The following ZNF148 variants were observed in gnomAD, a reference collection of about 807,000 sequenced individuals.
ZNF148 encodes zinc finger protein 148.
ZNF148 carries 7 observed loss-of-function variants against 67.7 expected under a neutral mutation model. That is an observed-to-expected ratio of 0.10 (90% confidence interval 0.06 to 0.19). The LOEUF is 0.19. Among genes scored for constraint, ZNF148 ranks in the 10% least tolerant of loss-of-function variants. The pLI is 1.00. For missense variants in ZNF148, 583 were observed against 947.1 expected (o/e 0.62, Z 5.05); for synonymous variants, 333 against 330.7 (o/e 1.01, Z -0.08).
intron 7 of ZNF148, among the ~76,000 whole-genome samples, chr3:125,261,324 C>G (rs935767117): frequency 1.3e-5 from 2 of 152,140 alleles, no homozygotes; most frequent in African/African-American, 4.8e-5. Flanking sequence ...TTCCAGAAGT[C>G]ATTATGGGCC....
At chr3:125,374,857 C>T (rs942705239) in intron 1 of ZNF148, among the ~76,000 whole-genome samples, 1 of 152,000 alleles carries the variant, frequency 6.6e-6, no homozygotes, top group Non-Finnish European at 1.5e-5. Context: ...CTTCTCGCCT[C>T]CGCCACCCCC....
At chr3:125,272,819 G>A (rs780521536) in intron 7 of ZNF148, among the ~76,000 whole-genome samples, 1 of 152,076 alleles carries the variant, frequency 6.6e-6, no homozygotes, top group Non-Finnish European at 1.5e-5. Flanking sequence ...TAAAAGCTTT[G>A]TTAAAGCAGA....
chr3:125,327,967 A>AT (rs1012609646), intron 2 of ZNF148, among the ~76,000 whole-genome samples: 2 of 151,444 alleles, frequency 1.3e-5, no homozygotes, highest in East Asian at 1.9e-4. Flanking sequence ...ACAGTTTCAA[A>AT]TTTTTTTTTA....
intron 7 of ZNF148, among the ~76,000 whole-genome samples, chr3:125,255,897 A>G (rs1410203357): frequency 6.6e-6 from 1 of 151,534 alleles, no homozygotes; most frequent in Non-Finnish European, 1.5e-5. Flanking sequence ...TTTAGTTTTC[A>G]GCTGTTTCAA....
At chr3:125,370,114 AT>A (rs1254063283) in intron 1 of ZNF148, among the ~76,000 whole-genome samples, 2 of 152,114 alleles carry the variant, frequency 1.3e-5, no homozygotes, top group African/African-American at 4.8e-5. Context: ...AAAAAAAAAA[AT>A]CTAAATTAAA....
intron 3 of ZNF148, among the ~76,000 whole-genome samples, chr3:125,317,858 T>A (rs1368359344): frequency 1.3e-5 from 2 of 151,884 alleles, no homozygotes; most frequent in African/African-American, 2.4e-5. Flanking sequence ...TACGGCAAGC[T>A]AACAGGGTAT....
intron 8 of ZNF148, 72 bp downstream of exon 8, chr3:125,234,139 T>C (rs542404742): frequency 1.6e-6 from 2 of 1,245,246 alleles, no homozygotes; most frequent in Admixed American, 2.1e-5. Flanking sequence ...TAAGTTGTAA[T>C]ATTTTCTAAT....
Position 125,228,810 on chromosome 3 carries a change from C to T in ZNF148, c.*3531G>A, listed in dbSNP as rs1056520871. 2.0e-5 allele frequency: 3 copies of T among 152,432 alleles called. No homozygotes were observed. Among genetic ancestry groups the T allele is most frequent in the African/African-American group, 4.8e-5 (2 of 41,394 alleles). 9.4% of individuals were successfully genotyped at this position (152,432 alleles called of 1,614,324 possible). On this transcript the variant is annotated 3_prime_UTR_variant, in exon 9 of 9. Transcript: ENST00000360647. ...ATTAAAGATTCAATCATAGGTACAT[C>T]CTTATTTGATGAACCATATTTACAG...
intron 4 of ZNF148, among the ~76,000 whole-genome samples, chr3:125,294,409 T>C (rs1428847108): frequency 6.6e-6 from 1 of 152,192 alleles, no homozygotes; most frequent in East Asian, 1.9e-4. Context: ...TACCATACGG[T>C]TACATAAGTT....
At chr3:125,369,813 T>C (rs1209913989) in intron 1 of ZNF148, among the ~76,000 whole-genome samples, 5 of 152,024 alleles carry the variant, frequency 3.3e-5, no homozygotes, top group Non-Finnish European at 7.4e-5. Context: ...CCACCTCTAC[T>C]AAAAATACAA....
chr3:125,242,927 T>A (rs1005939937), intron 7 of ZNF148, among the ~76,000 whole-genome samples: 6 of 152,242 alleles, frequency 3.9e-5, no homozygotes, highest in African/African-American at 1.4e-4. Context: ...CTTTATAATA[T>A]CCTTTATTGT....
intron 1 of ZNF148, among the ~76,000 whole-genome samples, chr3:125,342,591 TAA>T (rs796332274): frequency 2.8e-5 from 4 of 141,956 alleles, no homozygotes; most frequent in South Asian, 2.2e-4. Context: ...GAAGAAAAGT[TAA>T]AAAAAAAAAA....
At chr3:125,287,964 A>T (rs975398519) in intron 5 of ZNF148, 139 bp downstream of exon 5, 1 of 1,177,790 alleles carries the variant, frequency 8.5e-7, no homozygotes, top group Non-Finnish European at 1.2e-6. Context: ...CACCACCTCC[A>T]TGCAGGCACG....
chr3:125,314,320 G>C (rs991178260), intron 3 of ZNF148, among the ~76,000 whole-genome samples: 1 of 152,082 alleles, frequency 6.6e-6, no homozygotes, highest in African/African-American at 2.4e-5. Context: ...TTTGAACAAG[G>C]AATTCTACAT....
At chr3:125,258,585 C>T (rs6438889) in intron 7 of ZNF148, among the ~76,000 whole-genome samples, 120,213 of 152,088 alleles carry the variant, frequency 0.79, 48,317 homozygotes, top group African/African-American at 0.92. Flanking sequence ...ATTTTAATTG[C>T]TACAAGCAAA....
At chr3:125,243,746 G>T (rs993333364) in intron 7 of ZNF148, among the ~76,000 whole-genome samples, 1 of 151,978 alleles carries the variant, frequency 6.6e-6, no homozygotes, top group African/African-American at 2.4e-5. Flanking sequence ...GACTGGTCTC[G>T]AATTCCTGGC....
chr3:125,368,415 C>G lies in ZNF148; in HGVS notation c.-234+6687G>C, dbSNP rs368120348. Among the ~76,000 whole-genome samples, 4 of 152,302 alleles carry G rather than the reference C, an allele frequency of 2.6e-5. No individual in the cohort carries two copies. The East Asian group carries it at 7.7e-4, about 29-fold the overall frequency. ...CTAACTACATGTGAAGCTATCACCC[C>G]TGTTCAAAATATTTCCAACTTCCTC... On this transcript the variant is annotated intron_variant, in intron 1 of 8. Transcript: ENST00000360647.
chr3:125,280,480 G>A (rs866343213), intron 5 of ZNF148, among the ~76,000 whole-genome samples: 3 of 151,938 alleles, frequency 2.0e-5, no homozygotes, highest in South Asian at 2.1e-4. Context: ...TCAGGAGTTC[G>A]AGACCAGCCT....
At chr3:125,328,512 T>C (rs1301412587) in intron 2 of ZNF148, among the ~76,000 whole-genome samples, 1 of 152,174 alleles carries the variant, frequency 6.6e-6, no homozygotes, top group African/African-American at 2.4e-5. Flanking sequence ...ATTTTGAATA[T>C]ACAGTAATTT....
Sources: gnomAD v4.1 joint callset for allele counts (sites outside exome capture counted in the v4.1 genomes callset) on GRCh38, gnomAD v4.1.1 for gene constraint, MANE v1.5 for transcripts, NCBI Gene and HGNC (gene_info 2026-07-23, HGNC 2026-07-21) for gene names.